ACTR3C: variants seen among roughly 807,000 people sequenced by gnomAD.
ACTR3C encodes the protein actin related protein 3C, also known as actin-related protein 3C.
A neutral mutation model predicts 26.3 loss-of-function variants in ACTR3C; 18 were observed. The ratio of observed to expected loss-of-function variants is 0.68; its 90% CI spans 0.47 to 1.01. The LOEUF (loss-of-function observed/expected upper bound fraction) is 1.01, where lower values mean the gene tolerates loss of function less well. Ranked by LOEUF, ACTR3C falls within the 50% of genes least tolerant of loss-of-function variation. The probability of loss-of-function intolerance (pLI) is 0.00; values close to 1 mark genes in which losing one functional copy is unlikely to be tolerated. For synonymous variants in ACTR3C, 55 were observed against 94.5 expected (o/e 0.58, Z 2.42); for missense variants, 184 against 250.7 (o/e 0.73, Z 1.80).
chr7:150,185,887 A>G, the ACTR3C span, among the ~76,000 whole-genome samples: 5 of 152,178 alleles, frequency 3.3e-5, no homozygotes, highest in East Asian at 9.6e-4. Flanking sequence ...TCTCACAAGA[A>G]TATCTTCTAT....
the ACTR3C span, among the ~76,000 whole-genome samples, chr7:150,032,425 G>A: frequency 1.3e-5 from 2 of 152,192 alleles, no homozygotes; most frequent in Non-Finnish European, 2.9e-5. Flanking sequence ...ACGTGCTTGC[G>A]GTGCAGGCCC....
At chr7:150,207,120 G>T in the ACTR3C span, among the ~76,000 whole-genome samples, 4 of 152,174 alleles carry the variant, frequency 2.6e-5, no homozygotes, top group Admixed American at 6.5e-5. Context: ...TGGGGAAGCG[G>T]AAAATGTTTT....
the ACTR3C span, among the ~76,000 whole-genome samples, chr7:150,039,407 C>T: frequency 1.7e-5 from 1 of 57,890 alleles, no homozygotes; most frequent in Non-Finnish European, 3.9e-5. Flanking sequence ...GGAAGAGGGA[C>T]TGGCTCTCAG....
At chr7:150,308,695 T>C (rs1796023746) in intron 1 of ACTR3C, among the ~76,000 whole-genome samples, 1 of 151,956 alleles carries the variant, frequency 6.6e-6, no homozygotes, top group East Asian at 1.9e-4. Flanking sequence ...CAATTCCTCC[T>C]CAGCCTCTGC....
At chr7:149,977,609 G>A in the ACTR3C span, among the ~76,000 whole-genome samples, 1 of 152,112 alleles carries the variant, frequency 6.6e-6, no homozygotes, top group Non-Finnish European at 1.5e-5. Flanking sequence ...GAGCATAATG[G>A]CCCCTCCTTC....
At chr7:150,034,070 C>CG in the ACTR3C span, among the ~76,000 whole-genome samples, 2 of 146,934 alleles carry the variant, frequency 1.4e-5, no homozygotes. Flanking sequence ...CCCCGCCTCG[C>CG]GGGGGGTGCC....
chr7:150,268,329 C>G (rs1331554188), intron 6 of ACTR3C, among the ~76,000 whole-genome samples: 2 of 147,072 alleles, frequency 1.4e-5, no homozygotes, highest in Non-Finnish European at 2.9e-5. Flanking sequence ...AGCTCCCACC[C>G]TAGTTCCACG....
intron 2 of ACTR3C, among the ~76,000 whole-genome samples, chr7:150,294,484 A>G (rs1360261715): frequency 6.6e-6 from 1 of 152,216 alleles, no homozygotes; most frequent in African/African-American, 2.4e-5. Context: ...CATGGAATAT[A>G]AGTAACTTAG....
the ACTR3C span, among the ~76,000 whole-genome samples, chr7:150,137,714 A>C: frequency 6.6e-6 from 1 of 152,324 alleles, no homozygotes; most frequent in East Asian, 1.9e-4. Context: ...AGGAGAGTCA[A>C]AAAGTCCCCA....
chr7:149,985,399 A>G, the ACTR3C span, among the ~76,000 whole-genome samples: 1 of 152,182 alleles, frequency 6.6e-6, no homozygotes, highest in African/African-American at 2.4e-5. Flanking sequence ...CACCGGTGAT[A>G]GGACTGATAA....
At chr7:150,081,126 T>C in the ACTR3C span, among the ~76,000 whole-genome samples, 3 of 151,904 alleles carry the variant, frequency 2.0e-5, no homozygotes, top group African/African-American at 7.3e-5. Flanking sequence ...CTGTGTGTAT[T>C]AAATATGGAG....
At chr7:149,970,290 G>T in the ACTR3C span, among the ~76,000 whole-genome samples, 2 of 151,658 alleles carry the variant, frequency 1.3e-5, no homozygotes, top group African/African-American at 4.8e-5. Context: ...AGACAGAGAA[G>T]CCCCTGAAAA....
At chr7:150,129,679 G>A in the ACTR3C span, among the ~76,000 whole-genome samples, 1 of 151,868 alleles carries the variant, frequency 6.6e-6, no homozygotes, top group Admixed American at 6.6e-5. Flanking sequence ...TAAAAAATAT[G>A]TGATATTGGT....
intron 5 of ACTR3C, among the ~76,000 whole-genome samples, chr7:150,285,956 A>T (rs2129612429): frequency 6.6e-6 from 1 of 152,274 alleles, no homozygotes; most frequent in East Asian, 1.9e-4. Flanking sequence ...CCAGGGTTAA[A>T]ATTAGAAGTT....
the ACTR3C span, among the ~76,000 whole-genome samples, chr7:150,128,074 G>T: frequency 7.3e-6 from 1 of 137,004 alleles, no homozygotes; most frequent in African/African-American, 3.0e-5. Flanking sequence ...AAAAAAAGTT[G>T]CAATTTACTA....
At chr7:150,063,387 A>G in the ACTR3C span, among the ~76,000 whole-genome samples, 1 of 151,522 alleles carries the variant, frequency 6.6e-6, no homozygotes, top group African/African-American at 2.5e-5. Context: ...TGTTTCAGTG[A>G]ACACTTCAGA....
At chr7:150,207,519 T>A in the ACTR3C span, among the ~76,000 whole-genome samples, 1 of 152,128 alleles carries the variant, frequency 6.6e-6, no homozygotes, top group South Asian at 2.1e-4. Context: ...TAGTATTCAA[T>A]ATTTATACAT....
chr7:149,996,143 G>A, the ACTR3C span, among the ~76,000 whole-genome samples: 1 of 152,268 alleles, frequency 6.6e-6, no homozygotes, highest in Non-Finnish European at 1.5e-5. Flanking sequence ...GGGACGTGGG[G>A]AGCATCTGCC....
chr7:150,066,701 G>A, the ACTR3C span, among the ~76,000 whole-genome samples: 1 of 152,184 alleles, frequency 6.6e-6, no homozygotes, highest in Admixed American at 6.5e-5. Context: ...AATGTCACCA[G>A]GGCAGAGATA....
Sources: allele counts gnomAD v4.1 joint callset (sites outside exome capture counted in the v4.1 genomes callset), GRCh38; gene constraint gnomAD v4.1.1; transcripts MANE v1.5; gene names NCBI Gene and HGNC (gene_info 2026-07-23, HGNC 2026-07-21).